Variants in YRDC observed in about 807,000 individuals in gnomAD.
YRDC encodes yrdC N6-threonylcarbamoyltransferase domain containing.
In YRDC, 17 loss-of-function variants were observed where a neutral mutation model predicts 21.5. The ratio of observed to expected loss-of-function variants is 0.79; its 90% CI spans 0.54 to 1.19. The LOEUF is 1.19. Among genes scored for constraint, YRDC ranks in the 50% most tolerant of loss-of-function variants. YRDC has a pLI of 0.00. For synonymous variants in YRDC, 193 were observed against 176.7 expected, an observed-to-expected ratio of 1.09 and a Z score of -0.73; for missense variants, 380 against 397.1, an observed-to-expected ratio of 0.96 and a Z score of 0.37.
chr1:37,805,184 C>T (rs561659145), intron 3 of YRDC, among the ~76,000 whole-genome samples: 58 of 152,226 alleles, frequency 3.8e-4, no homozygotes, highest in African/African-American at 1.3e-3. Context: ...TGTTTGAACC[C>T]GGGAGATGGA....
Position 37,803,974 on chromosome 1 carries a change from A to G in YRDC, c.791T>C (p.Ile264Thr). Residue 264 changes from isoleucine to threonine, a missense_variant, in exon 5 of 5, where the codon ATC (isoleucine) becomes ACC (threonine). Physicochemically the swap from Ile to Thr is moderately conservative, Grantham distance 89 (BLOSUM62 -1). This residue lies in a region of YRDC where 238 missense variants were observed against 236.5 expected (regional missense o/e 1.01). Coordinates refer to ENST00000373044, the MANE Select transcript of YRDC (RefSeq NM_024640.4). ...PGCALESTTA[I>T]LQQKYGLLPS... ...GAGCAGTCCGTACTTCTGTTGGAGG[A>G]TGGCTGTAGTACTTTCCAGGGCACT... 1.2e-6 allele frequency: 2 copies of G among 1,614,140 alleles called. No individual in the cohort carries two copies. The highest frequency in any genetic ancestry group is 1.7e-6 in the Non-Finnish European group (2 of 1,180,028).
Position 37,803,102 on chromosome 1 carries a change from ATAATT to A in YRDC, c.*818_*822del, listed in dbSNP as rs540166672. ...AAAGGTGTTATGGGTATAATTAACT[ATAATT>A]TATTTTATGAATAAATAAGAAAAAA... On this transcript the variant is annotated 3_prime_UTR_variant, in exon 5 of 5. Transcript: ENST00000373044. 4.6e-5 allele frequency: 7 copies of A among 152,366 alleles called. No individual in the cohort carries two copies. The highest frequency in any genetic ancestry group is 1.9e-4 in the East Asian group (1 of 5,194). The allele number at this position is 152,366 out of a possible 1,614,324, so 9.4% of individuals were successfully genotyped here.
chr1:37,806,040 T>TA (rs1043084424), intron 3 of YRDC, among the ~76,000 whole-genome samples: 19 of 152,170 alleles, frequency 1.2e-4, no homozygotes, highest in Non-Finnish European at 1.5e-5. Context: ...CTAATCTATG[T>TA]AGCCAAGAAA....
Position 37,807,083 on chromosome 1 carries a change from A to C in YRDC, c.504+18T>G. 6.2e-7 allele frequency: 1 copy of C among 1,614,092 alleles called. No individual in the cohort carries two copies. The highest frequency in any genetic ancestry group is 8.5e-7 in the Non-Finnish European group (1 of 1,179,962). ...AAGTGGCCTGGAGTCTGGGGACACAAGAGAAAACTTGACTCACAGGCGTAA... is the reference window on the plus strand; with the variant it reads ...AAGTGGCCTGGAGTCTGGGGACACACGAGAAAACTTGACTCACAGGCGTAA... On this transcript the variant is annotated intron_variant, in intron 2 of 4. Coordinates refer to ENST00000373044, the MANE Select transcript of YRDC (RefSeq NM_024640.4).
rs769649977 is a variant in YRDC, at chr1:37,807,212, G to A, written c.393C>T (p.Tyr131=). 4.3e-6 allele frequency: 7 copies of A among 1,613,732 alleles called. No homozygotes were observed. The African/African-American group carries it at 6.7e-5, about 15-fold the overall frequency. The stretch of plus-strand genomic sequence containing the variant: ...GCCCCTCAGGTACTCTCACACGGCA[G>A]TATCTGGGAAACACAGAAGAATAAA... The part of the protein sequence containing the change: ...CLGRVADVYR[Y]CRVRVPEGLL... The change falls in exon 2 of 5, where the codon TAC becomes TAT. Residue 131 remains tyrosine, a synonymous_variant. Transcript: ENST00000373044.
chr1:37,803,997 A>C lies in YRDC; in HGVS notation c.768T>G (p.Cys256Trp), dbSNP rs1271141962. ...PGKFGIIRPG[C>W]ALESTTAILQ... is the part of the protein sequence containing the mutation. ...GGATGGCTGTAGTACTTTCCAGGGC[A>C]CTGAGGAGGAAACAGGACAGTTACC... The change falls in exon 5 of 5, where the codon TGT (cysteine) becomes TGG (tryptophan). Residue 256 changes from cysteine to tryptophan, a missense_variant and splice_region_variant. By Grantham distance (215) the Cys-to-Trp change is radical. Transcript: ENST00000373044. The C allele has an allele frequency of 2.5e-6, 4 of 1,614,054 alleles. No homozygotes were observed. The highest frequency in any genetic ancestry group is 3.4e-6 in the Non-Finnish European group (4 of 1,180,026).
In YRDC at chr1:37,807,797, G is replaced by A. The variant is rs1055538540; in HGVS notation, c.384C>T (p.Val128=). ...CCGGGTCGGGGCGGCCTTACCTGTA[G>A]ACGTCGGCCACGCGGCCGAGGCATA... The part of the protein sequence containing the change: ...LAVCLGRVAD[V]YRYCRVRVPE... The change falls in exon 1 of 5, where the codon GTC becomes GTT. Residue 128 remains valine, a synonymous_variant. Coordinates refer to ENST00000373044, the MANE Select transcript of YRDC (RefSeq NM_024640.4). 2.0e-6 allele frequency: 3 copies of A among 1,509,708 alleles called. No individual in the cohort carries two copies. Among genetic ancestry groups the A allele is most frequent in the Admixed American group, 4.1e-5 (2 of 48,864 alleles). 93.5% of individuals were successfully genotyped at this position (1,509,708 alleles called of 1,614,324 possible).
chr1:37,806,717 C>A (rs1569825469), intron 3 of YRDC, 140 bp downstream of exon 3: 2 of 1,364,024 alleles, frequency 1.5e-6, no homozygotes, highest in East Asian at 4.7e-5. Context: ...CACCACCTCC[C>A]TGCCAGCTGG....
At chr1:37,804,200 T>A in intron 4 of YRDC, 102 bp downstream of exon 4, 2 of 1,537,216 alleles carry the variant, frequency 1.3e-6, no homozygotes, top group Non-Finnish European at 1.8e-6. Flanking sequence ...CCACACTCCT[T>A]CAGGGCAACA....
At position 37,803,565 on chromosome 1, in the gene YRDC, C is replaced by T. The variant is rs1646715732; in HGVS notation, c.*360G>A. The T allele has an allele frequency of 5.0e-6, 1 of 198,728 alleles. No individual in the cohort carries two copies. The highest frequency in any genetic ancestry group is 2.3e-5 in the African/African-American group (1 of 42,984). 12.3% of individuals were successfully genotyped at this position (198,728 alleles called of 1,614,324 possible). A position where few individuals can be genotyped will look rare whatever the true frequency, so the allele number is the denominator to read the frequency against. On this transcript the variant is annotated 3_prime_UTR_variant, in exon 5 of 5. Coordinates refer to ENST00000373044, the MANE Select transcript of YRDC (RefSeq NM_024640.4). The stretch of plus-strand genomic sequence containing the variant: ...CTGGTTTGAACCTTAAATGCCACCA[C>T]CCACCAGAGAGGAGGCTCTCACTAG...
chr1:37,803,816 G>A lies in YRDC; in HGVS notation c.*109C>T. On this transcript the variant is annotated 3_prime_UTR_variant, in exon 5 of 5. Transcript: ENST00000373044. ...AAAGACACACTGCCTTAAAAGTCAGGCTAGTGCCCTAGCTCCGGTGGCCTC... is the reference window on the plus strand; with the variant it reads ...AAAGACACACTGCCTTAAAAGTCAGACTAGTGCCCTAGCTCCGGTGGCCTC... 1 of 1,227,898 alleles carries A rather than the reference G, an allele frequency of 8.1e-7. No homozygotes were observed. Among genetic ancestry groups the A allele is most frequent in the Non-Finnish European group, 1.2e-6 (1 of 858,356 alleles). 76.1% of individuals were successfully genotyped at this position (1,227,898 alleles called of 1,614,324 possible). A position where few individuals can be genotyped will look rare whatever the true frequency, so the allele number is the denominator to read the frequency against.
chr1:37,808,076 C>A lies in YRDC; in HGVS notation c.105G>T (p.Pro35=). 1 of 1,360,636 alleles carries A rather than the reference C, an allele frequency of 7.3e-7. No individual in the cohort carries two copies. Among genetic ancestry groups the A allele is most frequent in the Non-Finnish European group, 9.4e-7 (1 of 1,062,260 alleles). The allele number at this position is 1,360,636 out of a possible 1,614,324, so 84.3% of individuals were successfully genotyped here. Residue 35 remains proline, a synonymous_variant, in exon 1 of 5, where the codon CCG becomes CCT. Transcript: ENST00000373044. ...CGGGGGCCGCCGGAGCGGGACTCGG[C>A]GGGCGGAAGAGGCGACCGCTCCGGG... is the stretch of plus-strand genomic sequence containing the variant. The part of the protein sequence containing the change: ...AGSRSGRLFR[P]PSPAPAAPGA...
rs192042917 is a variant in YRDC at position 37,807,226 on chromosome 1, C to G, written c.390-11G>C. On this transcript the variant is annotated splice_polypyrimidine_tract_variant and intron_variant, in intron 1 of 4. Transcript: ENST00000373044. The stretch of plus-strand genomic sequence containing the variant: ...CTCACACGGCAGTATCTGGGAAACA[C>G]AGAAGAATAAATCCATTCAAAATTG... 6.2e-7 allele frequency: 1 copy of G among 1,612,344 alleles called. No individual in the cohort carries two copies. Among genetic ancestry groups the G allele is most frequent in the Admixed American group, 1.7e-5 (1 of 60,022 alleles).
At position 37,808,154 on chromosome 1, in the gene YRDC, C is replaced by G. The variant is rs1023210520; in HGVS notation, c.27G>C (p.Gly9=). 6.1e-6 allele frequency: 9 copies of G among 1,465,740 alleles called. No homozygotes were observed. In the South Asian group the frequency reaches 9.0e-5, roughly 15 times the overall value. The allele number at this position is 1,465,740 out of a possible 1,614,324, so 90.8% of individuals were successfully genotyped here. The change falls in exon 1 of 5, where the codon GGG becomes GGC. Residue 9 remains glycine, a synonymous_variant. Transcript: ENST00000373044. ...CGCTGGCAGCCACCGCGGCCCTCAT[C>G]CCCCTGCACCGACGCGCCGGAGACA... MSPARRCR[G]MRAAVAASVG...
intron 1 of YRDC, chr1:37,807,424 G>C (rs562973292): frequency 3.5e-4 from 216 of 612,770 alleles, no homozygotes; most frequent in South Asian, 6.6e-4. Context: ...TGGTCTCAGG[G>C]ACTACAACAG....
chr1:37,807,594 C>T, intron 1 of YRDC, 198 bp downstream of exon 1: 2 of 1,072,652 alleles, frequency 1.9e-6, no homozygotes, highest in Non-Finnish European at 1.3e-6. Context: ...CTGCCTTTCT[C>T]GTGTGTTGCT....
At position 37,803,702 on chromosome 1, in the gene YRDC, G is replaced by T; in HGVS notation, c.*223C>A. 2.0e-6 allele frequency: 1 copy of T among 501,198 alleles called. No individual in the cohort carries two copies. The highest frequency in any genetic ancestry group is 3.5e-6 in the Non-Finnish European group (1 of 284,240). 31.0% of individuals were successfully genotyped at this position (501,198 alleles called of 1,614,324 possible). On this transcript the variant is annotated 3_prime_UTR_variant, in exon 5 of 5. Transcript: ENST00000373044. ...TCTTAACTTTTCCATTCAGCTTTTG[G>T]CTGATATATGAAAATACAAATAAAT...
At chr1:37,805,063 C>G (rs1646726015) in intron 3 of YRDC, among the ~76,000 whole-genome samples, 1 of 152,128 alleles carries the variant, frequency 6.6e-6, no homozygotes, top group Non-Finnish European at 1.5e-5. Context: ...TGAGACTAGC[C>G]TGGTCAACAT....
chr1:37,804,283 C>G lies in YRDC; in HGVS notation c.767+19G>C. 1 of 1,608,588 alleles carries G rather than the reference C, an allele frequency of 6.2e-7. No individual in the cohort carries two copies. ...ACCTCCCTCAAATTATTTCCCCACA[C>G]CACAGGAAAGAGACTTACCAGCCTG... On this transcript the variant is annotated intron_variant, in intron 4 of 4. Transcript: ENST00000373044.
Sources: allele counts gnomAD v4.1 joint callset (sites outside exome capture counted in the v4.1 genomes callset), GRCh38; gene constraint gnomAD v4.1.1; regional missense constraint gnomAD v4.1.1; transcripts MANE v1.5; gene names NCBI Gene and HGNC (gene_info 2026-07-23, HGNC 2026-07-21).